The following GUCY1A1 variants were observed in gnomAD, a reference collection of about 807,000 sequenced individuals.
The protein encoded by GUCY1A1 is guanylate cyclase soluble subunit alpha-1.
GUCY1A1 carries 48 observed loss-of-function variants against 64.5 expected under a neutral mutation model. The observed-to-expected ratio is 0.74, with a 90% CI of 0.59 to 0.95. The LOEUF is 0.95. GUCY1A1 is among the 40% of genes least tolerant of loss of function. GUCY1A1 has a pLI of 0.00. For missense variants in GUCY1A1, 804 were observed against 825.3 expected (o/e 0.97, Z 0.32); for synonymous variants, 308 against 303.4 (o/e 1.02, Z -0.16).
At chr4:155,717,400 G>T in intron 8 of GUCY1A1, 98 bp downstream of exon 8, 1 of 851,906 alleles carries the variant, frequency 1.2e-6, no homozygotes, top group South Asian at 3.9e-5. Context: ...TTAGTTGAGA[G>T]AGAGAGAGAA....
At chr4:155,715,257 G>A (rs756161176) in intron 7 of GUCY1A1, among the ~76,000 whole-genome samples, 1 of 152,084 alleles carries the variant, frequency 6.6e-6, no homozygotes, top group Non-Finnish European at 1.5e-5. Context: ...TACACAAAAT[G>A]TATAATCGTA....
intron 3 of GUCY1A1, among the ~76,000 whole-genome samples, chr4:155,698,651 G>T (rs1730712172): frequency 6.6e-6 from 1 of 152,128 alleles, no homozygotes; most frequent in African/African-American, 2.4e-5. Context: ...CCTCCAGCCT[G>T]GGCGACAGAG....
At chr4:155,673,039 A>G (rs909856227) in intron 2 of GUCY1A1, among the ~76,000 whole-genome samples, 2 of 151,972 alleles carry the variant, frequency 1.3e-5, no homozygotes, top group African/African-American at 4.9e-5. Flanking sequence ...CTGTTTGTTC[A>G]TGTACTGTGA....
At chr4:155,694,627 G>T (rs946382942) in intron 2 of GUCY1A1, among the ~76,000 whole-genome samples, 3 of 152,134 alleles carry the variant, frequency 2.0e-5, no homozygotes, top group Non-Finnish European at 4.4e-5. Flanking sequence ...ACACATCTGT[G>T]CCCATTCATT....
chr4:155,691,908 A>T (rs552845958), intron 2 of GUCY1A1, among the ~76,000 whole-genome samples: 5 of 152,076 alleles, frequency 3.3e-5, no homozygotes, highest in Admixed American at 3.3e-4. Flanking sequence ...TAAGCCTAGT[A>T]CCCATTAGTT....
Position 155,713,432 on chromosome 4 carries a change from C to G in GUCY1A1, c.1421C>G (p.Ala474Gly), listed in dbSNP as rs1732845202. ...CTGTGGCAAGGGCAAGTTGTGCAAG[C>G]CAAGAAGTTCAGTAATGTCACCATG... Reference protein sequence around the residue: ...QQLWQGQVVQAKKFSNVTMLF... With the variant: ...QQLWQGQVVQGKKFSNVTMLF... Residue 474 changes from alanine to glycine, a missense_variant, in exon 7 of 10, where the codon GCC becomes GGC. Ala to Gly is a moderately conservative substitution (Grantham distance 60). Transcript: ENST00000506455. 1.9e-6 allele frequency: 3 copies of G among 1,613,996 alleles called. No individual in the cohort carries two copies. Among genetic ancestry groups the G allele is most frequent in the African/African-American group, 2.7e-5 (2 of 74,908 alleles).
chr4:155,709,853 C>T (rs1732316762), intron 5 of GUCY1A1, among the ~76,000 whole-genome samples: 1 of 151,910 alleles, frequency 6.6e-6, no homozygotes, highest in Admixed American at 6.6e-5. Context: ...AAAAAAATTG[C>T]CTCCTTAAAA....
At chr4:155,678,401 G>A (rs992852495) in intron 2 of GUCY1A1, among the ~76,000 whole-genome samples, 2 of 152,088 alleles carry the variant, frequency 1.3e-5, no homozygotes, top group African/African-American at 2.4e-5. Context: ...TAAACATAAA[G>A]GTTTTTACAA....
At chr4:155,728,746 A>G (rs897576016) in intron 9 of GUCY1A1, among the ~76,000 whole-genome samples, 6 of 151,860 alleles carry the variant, frequency 4.0e-5, no homozygotes, top group African/African-American at 1.4e-4. Flanking sequence ...ATGCTTAGTC[A>G]GTTTTTAAAA....
At chr4:155,676,302 T>G (rs946098435) in intron 2 of GUCY1A1, among the ~76,000 whole-genome samples, 30,822 of 90,842 alleles carry the variant, frequency 0.34, 4,194 homozygotes, top group East Asian at 0.66. Flanking sequence ...AAGAGCTGGT[T>G]TTTTTTTTTT....
rs192903656 is a variant in GUCY1A1, at chr4:155,702,111, C to T, written c.256-1821C>T. On this transcript the variant is annotated intron_variant, in intron 3 of 9. Transcript: ENST00000506455. ...TTTTGGATGGAGGGGTAAGCAAAAC[C>T]GACACTCTCTGCCCTTTTGGAGCTT... 8.3e-3 allele frequency among the ~76,000 whole-genome samples: 1,261 copies of T among 152,054 alleles called. 9 individuals are homozygous for T. The highest frequency in any genetic ancestry group is 0.013 in the Non-Finnish European group (887 of 68,012).
chr4:155,729,988 T>C (rs758888632), intron 9 of GUCY1A1, 42 bp from the exon 10 acceptor site: 1 of 1,214,254 alleles, frequency 8.2e-7, no homozygotes, highest in Admixed American at 1.8e-5. Context: ...TTTTTTTGAG[T>C]GGACAAACAT....
intron 2 of GUCY1A1, among the ~76,000 whole-genome samples, chr4:155,695,375 A>G (rs1730282437): frequency 6.6e-6 from 1 of 152,132 alleles, no homozygotes; most frequent in Admixed American, 6.5e-5. Context: ...TTGAACTTCA[A>G]CTCTAAAGAT....
In GUCY1A1 at chr4:155,730,349, C is replaced by CA. The variant is rs1199099630; in HGVS notation, c.*120dup. On this transcript the variant is annotated 3_prime_UTR_variant, in exon 10 of 10. Coordinates refer to ENST00000506455, the MANE Select transcript of GUCY1A1 (RefSeq NM_001130682.3). ...CAAGCAGTATTAAAATTTCAGGAGC[C>CA]AAGTCACAATCTTTCTCCTGTTTAA... 6 of 589,328 alleles carry CA rather than the reference C, an allele frequency of 1.0e-5. No individual in the cohort carries two copies. The highest frequency in any genetic ancestry group is 1.8e-5 in the Non-Finnish European group (6 of 332,760). The allele number at this position is 589,328 out of a possible 1,614,324, so 36.5% of individuals were successfully genotyped here. A position where few individuals can be genotyped will look rare whatever the true frequency, so the allele number is the denominator to read the frequency against.
chr4:155,702,850 C>T (rs1178489059), intron 3 of GUCY1A1, among the ~76,000 whole-genome samples: 2 of 151,996 alleles, frequency 1.3e-5, no homozygotes, highest in South Asian at 2.1e-4. Context: ...CTGGTGGAAA[C>T]TCTACAAGAG....
At chr4:155,707,705 T>C (rs1731967354) in intron 4 of GUCY1A1, among the ~76,000 whole-genome samples, 1 of 152,208 alleles carries the variant, frequency 6.6e-6, no homozygotes, top group Non-Finnish European at 1.5e-5. Flanking sequence ...AAACATTCTA[T>C]GTCATATATA....
chr4:155,677,569 G>A (rs946963116), intron 2 of GUCY1A1, among the ~76,000 whole-genome samples: 2 of 152,106 alleles, frequency 1.3e-5, no homozygotes, highest in African/African-American at 4.8e-5. Context: ...AAGAAAATCA[G>A]GCCGGGCACC....
intron 1 of GUCY1A1, 117 bp from the exon 2 acceptor site, chr4:155,667,229 C>A (rs1314792016): frequency 6.6e-6 from 1 of 152,050 alleles, no homozygotes; most frequent in Non-Finnish European, 1.5e-5. Context: ...GCGTAAGTGC[C>A]GCTGCCGCGA....
chr4:155,685,603 GTTTTTTTTTTTTTTT>G (rs70954055), intron 2 of GUCY1A1, among the ~76,000 whole-genome samples: 5 of 108,856 alleles, frequency 4.6e-5, no homozygotes, highest in African/African-American at 1.3e-4. Flanking sequence ...TTCTCCTTGT[GTTTTTTTTTTTTTTT>G]TTTTTTTTTC....
Sources: gnomAD v4.1 joint callset for allele counts (sites outside exome capture counted in the v4.1 genomes callset) on GRCh38, gnomAD v4.1.1 for gene constraint, MANE v1.5 for transcripts, NCBI Gene and HGNC (gene_info 2026-07-23, HGNC 2026-07-21) for gene names.